SIL1: variants seen among roughly 807,000 people sequenced by gnomAD.
The protein encoded by SIL1 is SIL1 nucleotide exchange factor, also known as nucleotide exchange factor SIL1.
In SIL1, 40 loss-of-function variants were observed where a neutral mutation model predicts 49.1. The ratio of observed to expected loss-of-function variants is 0.81; its 90% CI spans 0.63 to 1.06. SIL1 has a LOEUF of 1.06. SIL1 is among the 50% of genes least tolerant of loss of function. The probability of loss-of-function intolerance (pLI) is 0.00; values close to 1 mark genes in which losing one functional copy is unlikely to be tolerated. For missense variants in SIL1, 500 were observed against 572.6 expected, an observed-to-expected ratio of 0.87 and a Z score of 1.29; for synonymous variants, 253 against 250.8, an observed-to-expected ratio of 1.01 and a Z score of -0.08.
At chr5:138,956,440 A>G (rs1766903079) in intron 7 of SIL1, among the ~76,000 whole-genome samples, 1 of 152,236 alleles carries the variant, frequency 6.6e-6, no homozygotes, top group Non-Finnish European at 1.5e-5. Flanking sequence ...TAGGTAATCA[A>G]TCAGTTAAGA....
At position 139,105,023 on chromosome 5, in the gene SIL1, G is replaced by A. The variant is rs1352154083; in HGVS notation, c.244+16012C>T. 2.0e-5 allele frequency among the ~76,000 whole-genome samples: 3 copies of A among 152,292 alleles called. No individual in the cohort carries two copies. The East Asian group carries it at 5.8e-4, about 29-fold the overall frequency. On this transcript the variant is annotated intron_variant, in intron 3 of 9. Coordinates refer to ENST00000394817, the MANE Select transcript of SIL1 (RefSeq NM_022464.5). ...TCCACCCAAGAAGCACACGCAATGA[G>A]GGGAGCAGGGCAGGGATAGGGCGGC...
At chr5:139,000,516 T>G (rs1485920792) in intron 7 of SIL1, among the ~76,000 whole-genome samples, 1 of 152,124 alleles carries the variant, frequency 6.6e-6, no homozygotes, top group Non-Finnish European at 1.5e-5. Context: ...GATAGACTCT[T>G]TAGTACATAA....
intron 5 of SIL1, chr5:139,035,932 A>C (rs1768899421): frequency 6.6e-6 from 1 of 152,602 alleles, no homozygotes; most frequent in African/African-American, 2.4e-5. Context: ...TACAGGCGAG[A>C]GCCACCACGC....
intron 3 of SIL1, among the ~76,000 whole-genome samples, chr5:139,074,810 TTCTC>T (rs1224064786): frequency 7.2e-6 from 1 of 139,066 alleles, no homozygotes; most frequent in Non-Finnish European, 1.7e-5. Flanking sequence ...AAGCATCTCT[TTCTC>T]TCTCTGTCTT....
At chr5:139,115,661 A>G (rs1032203887) in intron 3 of SIL1, among the ~76,000 whole-genome samples, 3 of 152,180 alleles carry the variant, frequency 2.0e-5, no homozygotes, top group African/African-American at 7.2e-5. Context: ...GAAGTGCTAG[A>G]AGGCTCTGCA....
At chr5:139,097,119 G>A (rs1770485069) in intron 3 of SIL1, among the ~76,000 whole-genome samples, 1 of 152,070 alleles carries the variant, frequency 6.6e-6, no homozygotes, top group African/African-American at 2.4e-5. Context: ...AAAGGGGAGG[G>A]AAGACTGTGT....
intron 3 of SIL1, among the ~76,000 whole-genome samples, chr5:139,090,763 C>T (rs903021578): frequency 6.6e-6 from 1 of 152,116 alleles, no homozygotes; most frequent in Non-Finnish European, 1.5e-5. Flanking sequence ...CACCACTACA[C>T]CTGGCTAATT....
intron 1 of SIL1, among the ~76,000 whole-genome samples, chr5:139,180,357 G>A (rs1581156288): frequency 7.2e-6 from 1 of 139,682 alleles, no homozygotes; most frequent in Non-Finnish European, 1.5e-5. Flanking sequence ...ATCCAGCCTG[G>A]GCAACAAGAG....
intron 1 of SIL1, among the ~76,000 whole-genome samples, chr5:139,190,429 T>G (rs1277718371): frequency 6.6e-6 from 1 of 152,320 alleles, no homozygotes; most frequent in East Asian, 1.9e-4. Context: ...TATAAGATCA[T>G]GTACAAGGCA....
At chr5:139,005,330 G>GT (rs1768088247) in intron 7 of SIL1, among the ~76,000 whole-genome samples, 1 of 150,384 alleles carries the variant, frequency 6.6e-6, no homozygotes, top group South Asian at 2.1e-4. Flanking sequence ...ATAGCCTATT[G>GT]TTTTTTTGCC....
intron 3 of SIL1, among the ~76,000 whole-genome samples, chr5:139,068,134 C>T (rs1433423754): frequency 1.3e-5 from 2 of 152,276 alleles, no homozygotes; most frequent in South Asian, 2.1e-4. Context: ...GCAAAAGCAA[C>T]GTCGTCTAAT....
intron 1 of SIL1, among the ~76,000 whole-genome samples, chr5:139,134,143 G>A (rs1288697377): frequency 2.0e-5 from 3 of 152,000 alleles, no homozygotes; most frequent in African/African-American, 4.8e-5. Flanking sequence ...TCTGAGACAG[G>A]GCCTCACTCT....
intron 7 of SIL1, among the ~76,000 whole-genome samples, chr5:138,984,152 T>C (rs1302745441): frequency 1.3e-5 from 2 of 152,138 alleles, no homozygotes; most frequent in Non-Finnish European, 1.5e-5. Context: ...TGTCCTCTTG[T>C]CACTGAATAG....
chr5:139,172,744 G>A (rs528369597), intron 1 of SIL1, among the ~76,000 whole-genome samples: 42 of 152,242 alleles, frequency 2.8e-4, no homozygotes, highest in African/African-American at 9.1e-4. Flanking sequence ...AAACTTTGGA[G>A]GGACCCACTC....
intron 1 of SIL1, among the ~76,000 whole-genome samples, chr5:139,179,896 A>G (rs530721709): frequency 6.6e-6 from 1 of 152,044 alleles, no homozygotes; most frequent in East Asian, 1.9e-4. Flanking sequence ...ATCTCTACAA[A>G]AAATTAAAAG....
chr5:139,030,992 G>A (rs1480192774), intron 5 of SIL1, among the ~76,000 whole-genome samples: 1 of 152,084 alleles, frequency 6.6e-6, no homozygotes, highest in African/African-American at 2.4e-5. Flanking sequence ...GTTTCAGTGT[G>A]CACATTTTCA....
chr5:139,071,308 G>C (rs1335763873), intron 3 of SIL1, among the ~76,000 whole-genome samples: 1 of 152,094 alleles, frequency 6.6e-6, no homozygotes, highest in Non-Finnish European at 1.5e-5. Flanking sequence ...CTATAGTCTT[G>C]GGTGCAAAAC....
chr5:138,982,758 T>C (rs1166109253), intron 7 of SIL1, among the ~76,000 whole-genome samples: 2 of 152,220 alleles, frequency 1.3e-5, no homozygotes, highest in African/African-American at 4.8e-5. Context: ...TCTTTTCAGA[T>C]GTTTAGCAAA....
chr5:139,050,912 C>G, intron 4 of SIL1, 26 bp downstream of exon 4: 2 of 1,580,042 alleles, frequency 1.3e-6, no homozygotes, highest in Non-Finnish European at 1.7e-6. Context: ...CACTTAGCCT[C>G]CCAGTCCCTA....
Sources: allele counts gnomAD v4.1 joint callset (sites outside exome capture counted in the v4.1 genomes callset), GRCh38; gene constraint gnomAD v4.1.1; transcripts MANE v1.5; gene names NCBI Gene and HGNC (gene_info 2026-07-23, HGNC 2026-07-21).